BCAT1: variants seen among roughly 807,000 people sequenced by gnomAD.
The protein encoded by BCAT1 is branched chain amino acid transaminase 1.
A neutral mutation model predicts 52.4 loss-of-function variants in BCAT1; 48 were observed. The ratio of observed to expected loss-of-function variants is 0.92; its 90% CI spans 0.73 to 1.16. The LOEUF (loss-of-function observed/expected upper bound fraction) is 1.16, where lower values mean the gene tolerates loss of function less well. Among genes scored for constraint, BCAT1 ranks in the 50% most tolerant of loss-of-function variants. The pLI, the probability that BCAT1 is intolerant of heterozygous loss-of-function variation, is 0.00. For missense variants in BCAT1, 451 were observed against 457.1 expected, an observed-to-expected ratio of 0.99 and a Z score of 0.12; for synonymous variants, 167 against 161.3, an observed-to-expected ratio of 1.04 and a Z score of -0.27.
chr12:24,886,204 G>A (rs1942659164), intron 3 of BCAT1, among the ~76,000 whole-genome samples: 1 of 152,182 alleles, frequency 6.6e-6, no homozygotes, highest in South Asian at 2.1e-4. Context: ...GATTGCTGGA[G>A]CCCAGGAGTT....
intron 10 of BCAT1, among the ~76,000 whole-genome samples, chr12:24,824,203 C>T (rs868724506): frequency 1.9e-4 from 29 of 150,566 alleles, no homozygotes; most frequent in Non-Finnish European, 1.8e-4. Flanking sequence ...TCTATTAATC[C>T]TTTACAGCCA....
At chr12:24,834,449 C>A (rs1011901909) in intron 8 of BCAT1, 4 of 984,170 alleles carry the variant, frequency 4.1e-6, no homozygotes, top group Non-Finnish European at 2.4e-6. Flanking sequence ...CTGTTTAATT[C>A]TTGTTCTTTT....
At chr12:24,858,122 G>A (rs370381666) in intron 5 of BCAT1, among the ~76,000 whole-genome samples, 218 of 152,156 alleles carry the variant, frequency 1.4e-3, no homozygotes, top group Non-Finnish European at 2.1e-3. Context: ...ATGTTTTCCC[G>A]GCTCTGTCCC....
chr12:24,909,640 C>T (rs767186585), intron 1 of BCAT1, among the ~76,000 whole-genome samples: 27 of 152,264 alleles, frequency 1.8e-4, no homozygotes, highest in Admixed American at 6.5e-4. Context: ...CTTGCAGCTG[C>T]CAACACTTCA....
chr12:24,933,645 G>A (rs1943711435), intron 1 of BCAT1, among the ~76,000 whole-genome samples: 1 of 152,190 alleles, frequency 6.6e-6, no homozygotes, highest in South Asian at 2.1e-4. Context: ...AAGTGGCTAT[G>A]TTTTCTGGGG....
At chr12:24,834,854 G>C (rs989255285) in intron 8 of BCAT1, 2 of 1,016,462 alleles carry the variant, frequency 2.0e-6, no homozygotes, top group Middle Eastern at 5.2e-4. Context: ...AAGCAGAATT[G>C]TTTTTGCTCT....
chr12:24,891,978 C>T lies in BCAT1; in HGVS notation c.279+2297G>A, dbSNP rs182669821. 5.9e-5 allele frequency among the ~76,000 whole-genome samples: 9 copies of T among 151,446 alleles called. No homozygotes were observed. In the East Asian group the frequency reaches 1.7e-3, roughly 29 times the overall value. On this transcript the variant is annotated intron_variant, in intron 3 of 10. Transcript: ENST00000261192. ...TTCACCATGTTAGCCAGGATGGTCT[C>T]GATCTCCTGACCTCGTGATCCGCCC...
chr12:24,941,228 A>G (rs1387228080), intron 1 of BCAT1, among the ~76,000 whole-genome samples: 2 of 152,236 alleles, frequency 1.3e-5, no homozygotes, highest in African/African-American at 2.4e-5. Context: ...TCAATTTAAA[A>G]TCAACCAGCT....
rs141774814 is a variant in BCAT1, at chr12:24,878,707, A to G, written c.391-58T>C. 64 of 1,491,168 alleles carry G rather than the reference A, an allele frequency of 4.3e-5. No individual in the cohort carries two copies. The African/African-American group carries it at 8.2e-4, about 19-fold the overall frequency. The allele number at this position is 1,491,168 out of a possible 1,614,324, so 92.4% of individuals were successfully genotyped here. On this transcript the variant is annotated intron_variant, in intron 4 of 10. Coordinates refer to ENST00000261192, the MANE Select transcript of BCAT1 (RefSeq NM_005504.7). Reference sequence around the variant, plus strand: ...ATTTTCTCACAATGTGGCAATAATAAATGATCCTCACTGAAGCATTTAAAC... The same window carrying G: ...ATTTTCTCACAATGTGGCAATAATAGATGATCCTCACTGAAGCATTTAAAC...
At chr12:24,898,617 G>T (rs1225871074) in intron 2 of BCAT1, among the ~76,000 whole-genome samples, 3 of 134,426 alleles carry the variant, frequency 2.2e-5, no homozygotes, top group African/African-American at 8.2e-5. Context: ...CCCGGTTCAA[G>T]CAAGTCTCAA....
At position 24,935,030 on chromosome 12, in the gene BCAT1, G is replaced by C. The variant is rs1032904637; in HGVS notation, c.6+13897C>G. ...CTCTAATTAAGCTATTGCTGTATTA[G>C]CACTTGTAAGCTACCCAGTGACTGC... On this transcript the variant is annotated intron_variant, in intron 1 of 10. Transcript: ENST00000261192. 5.3e-5 allele frequency among the ~76,000 whole-genome samples: 8 copies of C among 152,192 alleles called. No homozygotes were observed. The South Asian group carries it at 1.7e-3, about 32-fold the overall frequency.
chr12:24,872,310 G>A (rs138922695), intron 5 of BCAT1, among the ~76,000 whole-genome samples: 96 of 152,342 alleles, frequency 6.3e-4, no homozygotes, highest in Admixed American at 1.3e-3. Context: ...AAATGAAGGA[G>A]TGAATCATTT....
At chr12:24,907,253 A>C (rs781065192) in intron 1 of BCAT1, among the ~76,000 whole-genome samples, 15 of 152,208 alleles carry the variant, frequency 9.9e-5, no homozygotes, top group Non-Finnish European at 1.9e-4. Flanking sequence ...CTTGGCAGGA[A>C]CGTCTCTGAA....
intron 1 of BCAT1, among the ~76,000 whole-genome samples, chr12:24,943,778 A>C (rs1409073301): frequency 6.6e-6 from 1 of 151,948 alleles, no homozygotes; most frequent in Non-Finnish European, 1.5e-5. Context: ...AGGTCAGGAG[A>C]TCAAGACCTT....
intron 1 of BCAT1, among the ~76,000 whole-genome samples, chr12:24,921,662 T>C (rs930639917): frequency 6.6e-6 from 1 of 152,210 alleles, no homozygotes; most frequent in African/African-American, 2.4e-5. Flanking sequence ...TCAGGAATAT[T>C]CCCTCCACCC....
At chr12:24,907,695 C>T (rs1943248340) in intron 1 of BCAT1, among the ~76,000 whole-genome samples, 1 of 152,172 alleles carries the variant, frequency 6.6e-6, no homozygotes, top group African/African-American at 2.4e-5. Context: ...TAATATCCTT[C>T]CCTGCCCTTA....
At chr12:24,889,977 T>A (rs111868707) in intron 3 of BCAT1, among the ~76,000 whole-genome samples, 10 of 152,176 alleles carry the variant, frequency 6.6e-5, no homozygotes, top group African/African-American at 2.2e-4. Context: ...TGAAGGTTCC[T>A]AAAGGGTGGC....
intron 8 of BCAT1, among the ~76,000 whole-genome samples, chr12:24,833,460 A>G (rs965758675): frequency 2.6e-5 from 4 of 152,182 alleles, no homozygotes; most frequent in Admixed American, 2.6e-4. Context: ...CAGAGGTTGC[A>G]GTGAACCAAG....
chr12:24,927,308 G>GA (rs1242016574), intron 1 of BCAT1, among the ~76,000 whole-genome samples: 17 of 147,312 alleles, frequency 1.2e-4, no homozygotes, highest in Non-Finnish European at 2.4e-4. Flanking sequence ...ACTCTGTCTC[G>GA]AAAAAAAAAG....
Sources: gnomAD v4.1 joint callset for allele counts (sites outside exome capture counted in the v4.1 genomes callset) on GRCh38, gnomAD v4.1.1 for gene constraint, MANE v1.5 for transcripts, NCBI Gene and HGNC (gene_info 2026-07-23, HGNC 2026-07-21) for gene names.